Variants in PTPRF observed in about 807,000 individuals in gnomAD.
PTPRF encodes the protein protein tyrosine phosphatase receptor type F, also known as receptor-type tyrosine-protein phosphatase F.
A neutral mutation model predicts 201.8 loss-of-function variants in PTPRF; 59 were observed. That is an observed-to-expected ratio of 0.29 (90% CI 0.24 to 0.36). The LOEUF is 0.36. PTPRF is among the 10% of genes least tolerant of loss of function. The probability of loss-of-function intolerance (pLI) is 1.00; values close to 1 mark genes in which losing one functional copy is unlikely to be tolerated. For synonymous variants in PTPRF, 1,088 were observed against 1,089.7 expected, an observed-to-expected ratio of 1.00 and a Z score of 0.03; for missense variants, 2,132 against 2,690.5, an observed-to-expected ratio of 0.79 and a Z score of 4.59.
chr1:43,617,574 C>G lies in PTPRF; in HGVS notation c.4195+6C>G, dbSNP rs767953991. 6.2e-7 allele frequency: 1 copy of G among 1,613,732 alleles called. No individual in the cohort carries two copies. Among genetic ancestry groups the G allele is most frequent in the Admixed American group, 1.7e-5 (1 of 60,002 alleles). On this transcript the variant is annotated splice_donor_region_variant and intron_variant, in intron 24 of 33. Coordinates refer to ENST00000359947, the MANE Select transcript of PTPRF (RefSeq NM_002840.5). ...CATCCTTACCTCTATCGATGGTGAG[C>G]CAAGGGGGTGCCCCTCCCATCCCCT...
intron 5 of PTPRF, among the ~76,000 whole-genome samples, chr1:43,565,778 G>T (rs1204823621): frequency 2.0e-5 from 3 of 152,208 alleles, no homozygotes; most frequent in Non-Finnish European, 4.4e-5. Context: ...GCCTGGGAAG[G>T]GGCGCAGAGG....
intron 24 of PTPRF, 72 bp from the exon 25 acceptor site, chr1:43,617,664 G>C: frequency 6.3e-7 from 1 of 1,599,004 alleles, no homozygotes; most frequent in Non-Finnish European, 8.6e-7. Flanking sequence ...AGTCTCAGGG[G>C]TGCACTGAGG....
At chr1:43,547,721 T>C (rs1312935250) in intron 3 of PTPRF, among the ~76,000 whole-genome samples, 1 of 151,640 alleles carries the variant, frequency 6.6e-6, no homozygotes, top group Admixed American at 6.6e-5. Flanking sequence ...CTGAGGGGAG[T>C]GGAGGGAAGC....
At chr1:43,562,778 G>A (rs149706033) in intron 5 of PTPRF, among the ~76,000 whole-genome samples, 1 of 152,262 alleles carries the variant, frequency 6.6e-6, no homozygotes, top group East Asian at 1.9e-4. Context: ...GGTGCATAGT[G>A]GGGGCTGGAA....
intron 7 of PTPRF, among the ~76,000 whole-genome samples, chr1:43,584,263 C>T (rs986586756): frequency 6.6e-6 from 1 of 152,164 alleles, no homozygotes; most frequent in Non-Finnish European, 1.5e-5. Context: ...AGGGAGCAAA[C>T]CCAGGCCATC....
At position 43,606,365 on chromosome 1, in the gene PTPRF, G is replaced by A. The variant is rs140924905; in HGVS notation, c.3609G>A (p.Lys1203=). The A allele has an allele frequency of 2.0e-5, 33 of 1,614,192 alleles. No individual in the cohort carries two copies. The highest frequency in any genetic ancestry group is 2.7e-5 in the Non-Finnish European group (32 of 1,180,016). The stretch of plus-strand genomic sequence containing the variant: ...CGGAGACCTTTACCTTGGGGGACAA[G>A]AAGAACTACCGGGGCTTCTACAACC... The part of the protein sequence containing the change: ...VLPETFTLGD[K]KNYRGFYNRP... Residue 1203 remains lysine, a synonymous_variant, in exon 20 of 34, where the codon AAG becomes AAA. Coordinates refer to ENST00000359947, the MANE Select transcript of PTPRF (RefSeq NM_002840.5).
rs554612681 is a variant in PTPRF, at chr1:43,587,171, G to A, written c.680-1560G>A. Among the ~76,000 whole-genome samples, 7 of 152,334 alleles carry A rather than the reference G, an allele frequency of 4.6e-5. No individual in the cohort carries two copies. In the South Asian group the frequency reaches 1.4e-3, roughly 32 times the overall value. ...AATTAGGTAGGGTCTCTTGGGCTGG[G>A]CAGAGGAGTCACTGGGAGCCATGCA... On this transcript the variant is annotated intron_variant, in intron 7 of 33. Transcript: ENST00000359947.
At position 43,554,853 on chromosome 1, in the gene PTPRF, CTTTCT is replaced by C. The variant is rs1645247965; in HGVS notation, c.379+916_379+920del. ...TTGCTTTTTTTTCTTTTCTTTCTTTCTTTCTTTTTTTTTTTTTGAGATGCAGTCTC... is the reference window on the plus strand; with the variant it reads ...TTGCTTTTTTTTCTTTTCTTTCTTTCTTTTTTTTTTTTGAGATGCAGTCTC... On this transcript the variant is annotated intron_variant, in intron 5 of 33. Coordinates refer to ENST00000359947, the MANE Select transcript of PTPRF (RefSeq NM_002840.5). The surrounding 1 kb of genome is among the most constrained non-coding windows in gnomAD (Gnocchi z 4.1). Among the ~76,000 whole-genome samples the C allele has an allele frequency of 7.0e-6, 1 of 143,158 alleles. No individual in the cohort carries two copies. Among genetic ancestry groups the C allele is most frequent in the Non-Finnish European group, 1.5e-5 (1 of 66,816 alleles). The allele number at this position is 143,158 out of a possible 152,430, so 93.9% of individuals were successfully genotyped here.
intron 5 of PTPRF, among the ~76,000 whole-genome samples, chr1:43,567,894 C>T (rs1646292098): frequency 6.6e-6 from 1 of 152,212 alleles, no homozygotes; most frequent in Non-Finnish European, 1.5e-5. Context: ...ATGAGCCCAG[C>T]TCCCCGCCTT....
chr1:43,603,570 A>G lies in PTPRF; in HGVS notation c.2458+37A>G. 5 of 1,612,736 alleles carry G rather than the reference A, an allele frequency of 3.1e-6. No individual in the cohort carries two copies. Among genetic ancestry groups the G allele is most frequent in the Admixed American group, 3.3e-5 (2 of 60,010 alleles). Reference sequence around the variant, plus strand: ...GTCAGGACGGACCTGAGGGTGGGGCAGCAGGAGGGCAGCGCCAGAGCCCAG... The same window carrying G: ...GTCAGGACGGACCTGAGGGTGGGGCGGCAGGAGGGCAGCGCCAGAGCCCAG... On this transcript the variant is annotated intron_variant, in intron 15 of 33. Coordinates refer to ENST00000359947, the MANE Select transcript of PTPRF (RefSeq NM_002840.5). The surrounding 1 kb of genome is among the most constrained non-coding windows in gnomAD (Gnocchi z 5.8).
rs1193400614 is a variant in PTPRF at position 43,597,992 on chromosome 1, A to T, written c.2058A>T (p.Ala686=). The T allele has an allele frequency of 6.5e-7, 1 of 1,539,578 alleles. No homozygotes were observed. Among genetic ancestry groups the T allele is most frequent in the Admixed American group, 2.0e-5 (1 of 50,672 alleles). The change falls in exon 12 of 34, where the codon GCA becomes GCT. Residue 686 remains alanine, a synonymous_variant. Transcript: ENST00000359947. ...CGGAGTACCGGGTGTGGGTGCGGGC[A>T]CACACAGACGTGGGCCCCGGCCCCG... ...KWTEYRVWVR[A]HTDVGPGPES...
chr1:43,544,107 G>A (rs116122029), intron 2 of PTPRF, among the ~76,000 whole-genome samples: 6,800 of 152,298 alleles, frequency 0.045, 507 homozygotes, highest in African/African-American at 0.15. Flanking sequence ...AAAGGCCTAG[G>A]GGCATTCAGC....
intron 20 of PTPRF, 32 bp downstream of exon 20, chr1:43,606,490 C>T: frequency 6.3e-7 from 1 of 1,582,792 alleles, no homozygotes; most frequent in Non-Finnish European, 8.6e-7. Flanking sequence ...TGTCAGCACC[C>T]TGATTCCCTG....
At chr1:43,590,511 C>T (rs1296800133) in intron 8 of PTPRF, among the ~76,000 whole-genome samples, 1 of 152,232 alleles carries the variant, frequency 6.6e-6, no homozygotes, top group African/African-American at 2.4e-5. Context: ...CCCCATCACT[C>T]TTTCTATCCG....
chr1:43,532,722 C>T (rs1445734422), intron 1 of PTPRF: 1 of 7,200 alleles, frequency 1.4e-4, no homozygotes, highest in Non-Finnish European at 3.4e-3. Flanking sequence ...GCATGAAAAT[C>T]CCTGTTTTTT....
At chr1:43,579,228 A>G (rs1261213849) in intron 7 of PTPRF, 1 of 591,596 alleles carries the variant, frequency 1.7e-6, no homozygotes, top group Non-Finnish European at 3.3e-6. Flanking sequence ...ATCCAATCCG[A>G]CTTCTTGGTG....
chr1:43,598,093 C>T, intron 12 of PTPRF, 40 bp downstream of exon 12: 1 of 1,439,400 alleles, frequency 6.9e-7, no homozygotes, highest in East Asian at 2.5e-5. Flanking sequence ...GGCGTTCTGC[C>T]TCAGACACCA....
In PTPRF at chr1:43,579,335, C is replaced by T. The variant is rs144792402; in HGVS notation, c.679+415C>T. ...TCCTTCAGTACATCCTCCTGCCTGC[C>T]GCAGCATGGTGGGCTCCAGAACCAC... On this transcript the variant is annotated intron_variant, in intron 7 of 33. Transcript: ENST00000359947. The T allele has an allele frequency of 8.8e-4, 357 of 406,496 alleles. 3 individuals are homozygous for T. The East Asian group carries it at 0.024, about 27-fold the overall frequency. 25.2% of individuals were successfully genotyped at this position (406,496 alleles called of 1,614,324 possible). A position where few individuals can be genotyped will look rare whatever the true frequency, so the allele number is the denominator to read the frequency against.
chr1:43,557,003 C>T (rs943944413), intron 5 of PTPRF, among the ~76,000 whole-genome samples: 7 of 152,240 alleles, frequency 4.6e-5, no homozygotes, highest in Non-Finnish European at 8.8e-5. Flanking sequence ...CCACTTCTGA[C>T]CTGTTTCCCC....
Sources: gnomAD v4.1 joint callset for allele counts (sites outside exome capture counted in the v4.1 genomes callset) on GRCh38, gnomAD v4.1.1 for gene constraint, Gnocchi (gnomAD v3.1) non-coding constraint, MANE v1.5 for transcripts, NCBI Gene and HGNC (gene_info 2026-07-23, HGNC 2026-07-21) for gene names.